The following DLG2 variants were observed in gnomAD, a reference collection of about 807,000 sequenced individuals.
The protein encoded by DLG2 is discs large MAGUK scaffold protein 2, also known as disks large homolog 2.
In DLG2, 45 loss-of-function variants were observed where a neutral mutation model predicts 132.5. The ratio of observed to expected loss-of-function variants is 0.34; its 90% CI spans 0.27 to 0.44. DLG2 has a LOEUF of 0.44. Among genes scored for constraint, DLG2 ranks in the 20% least tolerant of loss-of-function variants. The probability of loss-of-function intolerance (pLI) is 1.00; values close to 1 mark genes in which losing one functional copy is unlikely to be tolerated. For missense variants in DLG2, 1,045 were observed against 1,196.9 expected (o/e 0.87, Z 1.87); for synonymous variants, 424 against 419.6 (o/e 1.01, Z -0.13).
chr11:83,552,990 C>A (rs1053250766), intron 19 of DLG2, among the ~76,000 whole-genome samples: 1 of 152,184 alleles, frequency 6.6e-6, no homozygotes, highest in African/African-American at 2.4e-5. Flanking sequence ...TAGCAGGCTA[C>A]ATTTCAGTTG....
At chr11:84,880,046 G>C (rs973256685) in intron 6 of DLG2, among the ~76,000 whole-genome samples, 1 of 151,992 alleles carries the variant, frequency 6.6e-6, no homozygotes, top group Non-Finnish European at 1.5e-5. Flanking sequence ...TTTTAAAAAA[G>C]CACAAGAATC....
intron 11 of DLG2, among the ~76,000 whole-genome samples, chr11:84,024,396 C>A (rs912732206): frequency 1.3e-5 from 2 of 152,090 alleles, no homozygotes; most frequent in African/African-American, 4.8e-5. Context: ...TCATATGATC[C>A]AGCAGTCTCA....
At chr11:84,735,116 C>G (rs1172443692) in intron 6 of DLG2, among the ~76,000 whole-genome samples, 1 of 152,120 alleles carries the variant, frequency 6.6e-6, no homozygotes, top group Non-Finnish European at 1.5e-5. Flanking sequence ...GATTCTGTCT[C>G]TGCCATGCTT....
intron 18 of DLG2, among the ~76,000 whole-genome samples, chr11:83,736,955 T>C (rs1486051123): frequency 6.7e-6 from 1 of 149,316 alleles, no homozygotes; most frequent in Non-Finnish European, 1.5e-5. Flanking sequence ...AATTCCAAGA[T>C]ATCTACACAA....
intron 18 of DLG2, among the ~76,000 whole-genome samples, chr11:83,727,192 C>G (rs1354455829): frequency 6.6e-6 from 1 of 152,140 alleles, no homozygotes; most frequent in African/African-American, 2.4e-5. Flanking sequence ...TTATTCAACA[C>G]AATCAACAGT....
chr11:85,045,827 G>C (rs913608385), intron 6 of DLG2, among the ~76,000 whole-genome samples: 1 of 152,038 alleles, frequency 6.6e-6, no homozygotes, highest in African/African-American at 2.4e-5. Flanking sequence ...AGAAGGCAAG[G>C]CATTTTGGAA....
intron 7 of DLG2, among the ~76,000 whole-genome samples, chr11:84,391,757 A>C (rs1345028390): frequency 6.6e-6 from 1 of 151,982 alleles, no homozygotes; most frequent in African/African-American, 2.4e-5. Context: ...CTTCCTAAAA[A>C]CCAAATTTAA....
chr11:84,580,243 T>C (rs943940423), intron 6 of DLG2, among the ~76,000 whole-genome samples: 1 of 152,196 alleles, frequency 6.6e-6, no homozygotes, highest in Non-Finnish European at 1.5e-5. Context: ...TCCTGGATCA[T>C]AAATAATGAT....
At chr11:83,837,747 A>AAAAAAAAAAAAAAAAAAT (rs2056612605) in intron 16 of DLG2, among the ~76,000 whole-genome samples, 1 of 147,102 alleles carries the variant, frequency 6.8e-6, no homozygotes, top group African/African-American at 2.5e-5. Context: ...AAAAAAAAAA[A>AAAAAAAAAAAAAAAAAAT]GAAAAGAAAG....
At chr11:84,863,868 T>C (rs2084143313) in intron 6 of DLG2, among the ~76,000 whole-genome samples, 1 of 152,182 alleles carries the variant, frequency 6.6e-6, no homozygotes, top group African/African-American at 2.4e-5. Flanking sequence ...ACCAGTTGCT[T>C]AACCTCTCTG....
intron 4 of DLG2, among the ~76,000 whole-genome samples, chr11:85,172,211 A>G (rs2078925745): frequency 6.6e-6 from 1 of 152,206 alleles, no homozygotes; most frequent in African/African-American, 2.4e-5. Context: ...TCTGGCCAGC[A>G]TCAGGTTGGT....
chr11:85,203,961 A>G (rs1435963344), intron 4 of DLG2, among the ~76,000 whole-genome samples: 1 of 152,190 alleles, frequency 6.6e-6, no homozygotes, highest in African/African-American at 2.4e-5. Flanking sequence ...TTGATGCTGG[A>G]AAAACATTTG....
At chr11:85,252,087 A>G (rs2076423827) in intron 4 of DLG2, among the ~76,000 whole-genome samples, 1 of 152,194 alleles carries the variant, frequency 6.6e-6, no homozygotes, top group Non-Finnish European at 1.5e-5. Flanking sequence ...AAGAGAGGCA[A>G]TGAATAAAAG....
chr11:84,631,402 A>G (rs1565504562), intron 6 of DLG2, among the ~76,000 whole-genome samples: 1 of 152,156 alleles, frequency 6.6e-6, no homozygotes, highest in African/African-American at 2.4e-5. Flanking sequence ...TTTGGGAAAA[A>G]TGAACTGTGC....
chr11:84,033,848 G>A (rs1368204921), intron 11 of DLG2, among the ~76,000 whole-genome samples: 1 of 152,098 alleles, frequency 6.6e-6, no homozygotes, highest in East Asian at 1.9e-4. Context: ...AGACCAGCCT[G>A]ACCAACATGG....
intron 4 of DLG2, among the ~76,000 whole-genome samples, chr11:85,211,772 G>C (rs1430470668): frequency 1.3e-5 from 2 of 152,044 alleles, no homozygotes; most frequent in Non-Finnish European, 1.5e-5. Flanking sequence ...CCTTTTATAT[G>C]TTGAAGCACT....
At chr11:85,383,471 A>G (rs1276305839) in intron 3 of DLG2, among the ~76,000 whole-genome samples, 1 of 152,202 alleles carries the variant, frequency 6.6e-6, no homozygotes, top group Admixed American at 6.5e-5. Flanking sequence ...TATGAATCAT[A>G]TGTCAATAAA....
intron 21 of DLG2, among the ~76,000 whole-genome samples, chr11:83,512,358 C>T (rs947501618): frequency 2.6e-5 from 4 of 152,184 alleles, no homozygotes; most frequent in Non-Finnish European, 4.4e-5. Flanking sequence ...GTGAGGAACA[C>T]CTTAGTTACA....
chr11:85,185,428 C>T (rs1262322448), intron 4 of DLG2, among the ~76,000 whole-genome samples: 5 of 151,968 alleles, frequency 3.3e-5, no homozygotes, highest in African/African-American at 4.8e-5. Context: ...TATGCACGCA[C>T]ACTTTTCTTT....
Sources: gnomAD v4.1 joint callset for allele counts (sites outside exome capture counted in the v4.1 genomes callset) on GRCh38, gnomAD v4.1.1 for gene constraint, MANE v1.5 for transcripts, NCBI Gene and HGNC (gene_info 2026-07-23, HGNC 2026-07-21) for gene names.